ATL1: variants seen among roughly 807,000 people sequenced by gnomAD.
ATL1 encodes atlastin GTPase 1, also known as atlastin-1.
Under a neutral mutation model 75.5 loss-of-function variants are expected in ATL1, and 31 were observed. That is an observed-to-expected ratio of 0.41 (90% CI 0.31 to 0.55). The LOEUF is 0.55. ATL1 is among the 20% of genes least tolerant of loss of function. The pLI is 0.27. For synonymous variants in ATL1, 226 were observed against 233.3 expected (o/e 0.97, Z 0.28); for missense variants, 405 against 662.6 (o/e 0.61, Z 4.27).
intron 8 of ATL1, 113 bp downstream of exon 8, chr14:50,614,624 T>C: frequency 2.5e-6 from 3 of 1,219,276 alleles, no homozygotes; most frequent in Non-Finnish European, 3.5e-6. Flanking sequence ...AGGAGGCTGA[T>C]GATTAGAAAT....
At chr14:50,609,381 G>A (rs1318628017) in intron 6 of ATL1, among the ~76,000 whole-genome samples, 1 of 151,954 alleles carries the variant, frequency 6.6e-6, no homozygotes, top group Non-Finnish European at 1.5e-5. Context: ...AGGAGAGCAT[G>A]TGCCAAATTA....
intron 1 of ATL1, among the ~76,000 whole-genome samples, chr14:50,540,615 G>A (rs563164037): frequency 1.2e-4 from 18 of 152,246 alleles, no homozygotes; most frequent in African/African-American, 3.9e-4. Flanking sequence ...AATAATCTCT[G>A]CAGTCTCAAA....
intron 1 of ATL1, among the ~76,000 whole-genome samples, chr14:50,549,223 C>A (rs1443198696): frequency 6.6e-6 from 1 of 152,128 alleles, no homozygotes; most frequent in Admixed American, 6.5e-5. Flanking sequence ...AGCAAAGGCA[C>A]CCAACACCAA....
At position 50,553,669 on chromosome 14, in the gene ATL1, C is replaced by T. The variant is rs769293291; in HGVS notation, c.-139-6458C>T. Among the ~76,000 whole-genome samples the T allele has an allele frequency of 3.3e-5, 5 of 152,228 alleles. No homozygotes were observed. In the South Asian group the frequency reaches 8.3e-4, roughly 25 times the overall value. On this transcript the variant is annotated intron_variant, in intron 1 of 13. Coordinates refer to the ATL1 transcript ENST00000441560. ...ATGCACACGCATGTTTGTAGCAGCA[C>T]AATTCACAATTACAAAGATATGGAA...
At chr14:50,570,627 C>G (rs937396340) in intron 1 of ATL1, among the ~76,000 whole-genome samples, 11 of 152,150 alleles carry the variant, frequency 7.2e-5, no homozygotes, top group African/African-American at 2.4e-4. Context: ...TTGACTTTCT[C>G]CATGTCTCCT....
chr14:50,578,247 G>A (rs1000876696), intron 1 of ATL1, among the ~76,000 whole-genome samples: 1 of 152,070 alleles, frequency 6.6e-6, no homozygotes, highest in African/African-American at 2.4e-5. Context: ...TCAGGTATTT[G>A]TTTTATTTTG....
At chr14:50,621,348 G>A (rs897164521) in intron 9 of ATL1, among the ~76,000 whole-genome samples, 1 of 152,114 alleles carries the variant, frequency 6.6e-6, no homozygotes, top group Non-Finnish European at 1.5e-5. Flanking sequence ...CATTTAATAT[G>A]CTATCATATA....
At chr14:50,578,649 A>G (rs2039029061) in intron 1 of ATL1, among the ~76,000 whole-genome samples, 1 of 152,038 alleles carries the variant, frequency 6.6e-6, no homozygotes, top group African/African-American at 2.4e-5. Context: ...ATACTGAGTT[A>G]TTTCTTATGA....
intron 1 of ATL1, among the ~76,000 whole-genome samples, chr14:50,567,712 A>G (rs2038917950): frequency 6.6e-6 from 1 of 152,208 alleles, no homozygotes; most frequent in Non-Finnish European, 1.5e-5. Flanking sequence ...AATTAATATT[A>G]TGATTTCTCT....
intron 1 of ATL1, among the ~76,000 whole-genome samples, chr14:50,582,843 A>C (rs927166901): frequency 2.6e-5 from 4 of 152,110 alleles, no homozygotes; most frequent in African/African-American, 9.7e-5. Flanking sequence ...TCCTAAACAA[A>C]ATCTTAGCAA....
chr14:50,542,224 T>C (rs2038573391), intron 1 of ATL1, among the ~76,000 whole-genome samples: 1 of 129,854 alleles, frequency 7.7e-6, no homozygotes, highest in Non-Finnish European at 1.5e-5. Flanking sequence ...AAGTGAGAGT[T>C]GAACAATGAG....
At chr14:50,558,017 A>C (rs565077081), upstream of ATL1, among the ~76,000 whole-genome samples, 36 of 152,362 alleles carry the variant, frequency 2.4e-4, no homozygotes, top group African/African-American at 7.9e-4. Context: ...AAGAATGGTG[A>C]TGCATAGCAC....
intron 1 of ATL1, among the ~76,000 whole-genome samples, chr14:50,580,676 A>G (rs1001440967): frequency 1.3e-5 from 2 of 152,008 alleles, no homozygotes. Context: ...TTCCTTTTTT[A>G]TAATGTCCTT....
At position 50,618,859 on chromosome 14, in the gene ATL1, A is replaced by ATGTG. The variant is rs71441298; in HGVS notation, c.863-1724_863-1721dup. 3.5e-3 allele frequency among the ~76,000 whole-genome samples: 520 copies of ATGTG among 147,828 alleles called. 1 individual carries two copies. The highest frequency in any genetic ancestry group is 9.2e-3 in the East Asian group (46 of 4,986). The stretch of plus-strand genomic sequence containing the variant: ...GTATTTTTCCATATATATATAATGT[A>ATGTG]TGTGTGTGTGTGTGTGTGTATATAT... On this transcript the variant is annotated intron_variant, in intron 8 of 13. Transcript: ENST00000358385.
chr14:50,572,500 T>G (rs1221353902), intron 1 of ATL1, among the ~76,000 whole-genome samples: 1 of 152,156 alleles, frequency 6.6e-6, no homozygotes, highest in Non-Finnish European at 1.5e-5. Context: ...CTAAGTTTTC[T>G]GTTATTTTCT....
intron 5 of ATL1, 58 bp from the exon 6 acceptor site, chr14:50,595,517 GT>G: frequency 6.8e-7 from 1 of 1,465,764 alleles, no homozygotes; most frequent in East Asian, 2.4e-5. Flanking sequence ...AGGTGCTAAA[GT>G]TCTCTCTCTC....
intron 8 of ATL1, 78 bp downstream of exon 8, chr14:50,614,589 C>T (rs1040130149): frequency 2.7e-6 from 4 of 1,485,752 alleles, no homozygotes; most frequent in African/African-American, 2.8e-5. Flanking sequence ...GGGCTTATGG[C>T]TGATAGTTTA....
intron 1 of ATL1, among the ~76,000 whole-genome samples, chr14:50,584,708 C>T (rs1318393250): frequency 6.7e-6 from 1 of 148,654 alleles, no homozygotes; most frequent in Non-Finnish European, 1.5e-5. Flanking sequence ...GACTCTGTCT[C>T]AAAAAAATAA....
intron 8 of ATL1, among the ~76,000 whole-genome samples, chr14:50,620,360 C>A (rs751007050): frequency 3.3e-5 from 5 of 152,084 alleles, no homozygotes; most frequent in Non-Finnish European, 5.9e-5. Flanking sequence ...CTTATAATAT[C>A]AAGAAAGCTA....
Sources: gnomAD v4.1 joint callset for allele counts (sites outside exome capture counted in the v4.1 genomes callset) on GRCh38, gnomAD v4.1.1 for gene constraint, MANE v1.5 for transcripts, NCBI Gene and HGNC (gene_info 2026-07-23, HGNC 2026-07-21) for gene names.